ANO10: variants seen among roughly 807,000 people sequenced by gnomAD.
ANO10 encodes the protein anoctamin 10.
ANO10 carries 77 observed loss-of-function variants against 74.7 expected under a neutral mutation model. The observed-to-expected ratio is 1.03, with a 90% CI of 0.86 to 1.25. ANO10 has a LOEUF of 1.25. Ranked by LOEUF, ANO10 falls within the 50% of genes most tolerant of loss-of-function variation. The pLI is 0.00. For missense variants in ANO10, 721 were observed against 778.1 expected, an observed-to-expected ratio of 0.93 and a Z score of 0.87; for synonymous variants, 279 against 284.9, an observed-to-expected ratio of 0.98 and a Z score of 0.21.
intron 12 of ANO10, chr3:43,372,982 T>C: frequency 1.1e-6 from 1 of 879,412 alleles, no homozygotes; most frequent in Non-Finnish European, 1.7e-6. Context: ...TTCAAGTTCT[T>C]GAAGTCAGCA....
chr3:43,682,380 G>A (rs971356269), intron 1 of ANO10, among the ~76,000 whole-genome samples: 2 of 152,178 alleles, frequency 1.3e-5, no homozygotes, highest in Admixed American at 1.3e-4. Flanking sequence ...ACTAAACCAG[G>A]AAGAAGTTGA....
chr3:43,522,099 C>A (rs941805018), intron 11 of ANO10, among the ~76,000 whole-genome samples: 2 of 151,948 alleles, frequency 1.3e-5, no homozygotes, highest in African/African-American at 4.8e-5. Context: ...CAGGCAACAT[C>A]ACAGAGACAG....
intron 11 of ANO10, among the ~76,000 whole-genome samples, chr3:43,529,435 A>G (rs1177058246): frequency 2.0e-5 from 3 of 152,150 alleles, no homozygotes; most frequent in Non-Finnish European, 4.4e-5. Context: ...TAGGAGTGGG[A>G]ATCTAGGCCC....
At chr3:43,506,735 T>C (rs2077308276) in intron 11 of ANO10, among the ~76,000 whole-genome samples, 1 of 152,130 alleles carries the variant, frequency 6.6e-6, no homozygotes, top group African/African-American at 2.4e-5. Context: ...CTGCATGGCT[T>C]TCCCATCACT....
chr3:43,531,974 A>T (rs1482548677), intron 11 of ANO10, among the ~76,000 whole-genome samples: 1 of 151,582 alleles, frequency 6.6e-6, no homozygotes, highest in South Asian at 2.1e-4. Context: ...TGCTTCACCC[A>T]ACAAACTTAA....
Position 43,366,613 on chromosome 3 carries a change from T to A in ANO10, c.*293A>T. On this transcript the variant is annotated 3_prime_UTR_variant, in exon 13 of 13. Transcript: ENST00000292246. ...TGGTGGCTCACTCATGGTGAGAGGC[T>A]CAAGGGCGGCAGTGGCTCTGCAGCA... is the stretch of plus-strand genomic sequence containing the variant. 2.0e-6 allele frequency: 1 copy of A among 498,508 alleles called. No individual in the cohort carries two copies. Among genetic ancestry groups the A allele is most frequent in the Non-Finnish European group, 3.7e-6 (1 of 272,852 alleles). The allele number at this position is 498,508 out of a possible 1,614,324, so 30.9% of individuals were successfully genotyped here.
chr3:43,643,683 C>CTT (rs61487906), intron 1 of ANO10, among the ~76,000 whole-genome samples: 77 of 104,740 alleles, frequency 7.4e-4, no homozygotes, highest in Middle Eastern at 5.1e-3. Context: ...CTCATCTTTT[C>CTT]TTTTTTTTTT....
chr3:43,621,461 A>G (rs1226078832), intron 1 of ANO10, among the ~76,000 whole-genome samples: 1 of 151,940 alleles, frequency 6.6e-6, no homozygotes, highest in African/African-American at 2.4e-5. Context: ...GGGAAGCAAG[A>G]ACCCCGGGAC....
At chr3:43,637,304 C>T (rs2083621873) in intron 1 of ANO10, among the ~76,000 whole-genome samples, 1 of 152,026 alleles carries the variant, frequency 6.6e-6, no homozygotes, top group Non-Finnish European at 1.5e-5. Flanking sequence ...CCGGTCTCTA[C>T]TAAAAATACA....
chr3:43,485,369 G>A (rs1253046532), intron 11 of ANO10: 1 of 458,712 alleles, frequency 2.2e-6, no homozygotes, highest in South Asian at 2.1e-5. Context: ...GCCCATTGCC[G>A]CTCCTGATCG....
At chr3:43,674,707 G>A (rs1356024241) in intron 1 of ANO10, among the ~76,000 whole-genome samples, 1 of 152,186 alleles carries the variant, frequency 6.6e-6, no homozygotes, top group Non-Finnish European at 1.5e-5. Context: ...ACTGGGTAGA[G>A]AGGAAGTTGA....
chr3:43,561,509 A>G, intron 8 of ANO10, 107 bp from the exon 9 acceptor site: 1 of 998,918 alleles, frequency 1.0e-6, no homozygotes, highest in Non-Finnish European at 1.5e-6. Context: ...GCATAAATAC[A>G]ATTATGCAAC....
chr3:43,553,928 A>G lies in ANO10; in HGVS notation c.1668+1350T>C, dbSNP rs140721693. 2.2e-4 allele frequency among the ~76,000 whole-genome samples: 34 copies of G among 152,142 alleles called. 2 individuals are homozygous for G. In the East Asian group the frequency reaches 6.6e-3, roughly 29 times the overall value. On this transcript the variant is annotated intron_variant, in intron 10 of 12. Coordinates refer to ENST00000292246, the MANE Select transcript of ANO10 (RefSeq NM_018075.5). ...CTCATTCAGTGAGCTTTTTATTTCA[A>G]TTATGGTATTTGTCACTTCTAAAAT... is the stretch of plus-strand genomic sequence containing the variant.
At chr3:43,582,623 C>T (rs1360475835) in intron 4 of ANO10, among the ~76,000 whole-genome samples, 1 of 151,854 alleles carries the variant, frequency 6.6e-6, no homozygotes, top group African/African-American at 2.4e-5. Context: ...TAGGAAAAGT[C>T]TGAAAAAAAA....
At chr3:43,552,571 C>G (rs2079516334) in intron 10 of ANO10, among the ~76,000 whole-genome samples, 1 of 151,218 alleles carries the variant, frequency 6.6e-6, no homozygotes, top group South Asian at 2.1e-4. Context: ...TTTCATAATT[C>G]CTTAGTTAAG....
At chr3:43,567,572 C>A (rs2080437184) in intron 7 of ANO10, among the ~76,000 whole-genome samples, 1 of 151,950 alleles carries the variant, frequency 6.6e-6, no homozygotes, top group Admixed American at 6.6e-5. Flanking sequence ...AATTTCATAT[C>A]CAGACAAACT....
At chr3:43,411,641 T>A (rs1199927967) in intron 12 of ANO10, among the ~76,000 whole-genome samples, 1 of 152,174 alleles carries the variant, frequency 6.6e-6, no homozygotes, top group African/African-American at 2.4e-5. Context: ...GCTGCTTCTC[T>A]CTCTGGAATG....
chr3:43,680,212 T>G (rs182668933), intron 1 of ANO10, among the ~76,000 whole-genome samples: 2 of 152,024 alleles, frequency 1.3e-5, no homozygotes. Flanking sequence ...AATGGCTAAC[T>G]AGAATAACCA....
At chr3:43,554,986 G>C (rs1356335244) in intron 10 of ANO10, among the ~76,000 whole-genome samples, 1 of 152,144 alleles carries the variant, frequency 6.6e-6, no homozygotes, top group Non-Finnish European at 1.5e-5. Flanking sequence ...ATTAATACTG[G>C]CTGAGATGAA....
Sources: allele counts gnomAD v4.1 joint callset (sites outside exome capture counted in the v4.1 genomes callset), GRCh38; gene constraint gnomAD v4.1.1; transcripts MANE v1.5; gene names NCBI Gene and HGNC (gene_info 2026-07-23, HGNC 2026-07-21).